The following TRAPPC10 variants were observed in gnomAD, a reference collection of about 807,000 sequenced individuals.
TRAPPC10 encodes trafficking protein particle complex subunit 10, also known as TRAPP 130 kDa subunit.
A neutral mutation model predicts 125.5 loss-of-function variants in TRAPPC10; 23 were observed. The observed-to-expected ratio is 0.18, with a 90% confidence interval of 0.13 to 0.26. The LOEUF (loss-of-function observed/expected upper bound fraction) is 0.26. Among genes scored for constraint, TRAPPC10 ranks in the 10% least tolerant of loss-of-function variants. The pLI, the probability that TRAPPC10 is intolerant of heterozygous loss-of-function variation, is 1.00. For missense variants in TRAPPC10, 1,123 were observed against 1,308.4 expected, an observed-to-expected ratio of 0.86 and a Z score of 2.19; for synonymous variants, 509 against 518.0, an observed-to-expected ratio of 0.98 and a Z score of 0.24.
intron 3 of TRAPPC10, among the ~76,000 whole-genome samples, chr21:44,048,797 G>GTTTTTTTTTTTTTTTT (rs34892092): frequency 9.5e-6 from 1 of 105,612 alleles, no homozygotes; most frequent in African/African-American, 3.6e-5. Context: ...CCCACCCTGT[G>GTTTTTTTTTTTTTTTT]TTTTTTTTTT....
chr21:44,045,296 C>T (rs896070153), intron 3 of TRAPPC10, among the ~76,000 whole-genome samples: 31 of 152,120 alleles, frequency 2.0e-4, no homozygotes, highest in African/African-American at 7.0e-4. Context: ...TCCTGCTGAC[C>T]GAAGGATTTC....
At chr21:44,049,904 G>A (rs1444477713) in intron 3 of TRAPPC10, among the ~76,000 whole-genome samples, 2 of 150,392 alleles carry the variant, frequency 1.3e-5, no homozygotes, top group African/African-American at 2.5e-5. Context: ...TTTTGAGATG[G>A]AGTCTCACTC....
chr21:44,066,525 C>T (rs1263921166), intron 7 of TRAPPC10, among the ~76,000 whole-genome samples: 1 of 151,754 alleles, frequency 6.6e-6, no homozygotes, highest in Admixed American at 6.6e-5. Flanking sequence ...CTTTTTTTTT[C>T]TGTAACAATT....
intron 6 of TRAPPC10, among the ~76,000 whole-genome samples, chr21:44,060,915 T>C (rs60911469): frequency 0.014 from 1,806 of 132,212 alleles, 49 homozygotes; most frequent in African/African-American, 0.049. Context: ...CATACATACA[T>C]ACACACACAC....
intron 7 of TRAPPC10, among the ~76,000 whole-genome samples, chr21:44,066,640 A>G (rs1188218473): frequency 6.6e-6 from 1 of 152,228 alleles, no homozygotes; most frequent in Non-Finnish European, 1.5e-5. Flanking sequence ...GCTAGCAGGA[A>G]GAGGTTCCCT....
chr21:44,088,801 G>A (rs9979882), intron 17 of TRAPPC10: 39,438 of 131,992 alleles, frequency 0.3, 7,686 homozygotes, highest in African/African-American at 0.62. Flanking sequence ...CTTCCCTGGC[G>A]CTGGCGGCAC....
At chr21:44,081,197 G>T (rs1192137469) in intron 13 of TRAPPC10, among the ~76,000 whole-genome samples, 2 of 151,104 alleles carry the variant, frequency 1.3e-5, no homozygotes, top group Non-Finnish European at 3.0e-5. Flanking sequence ...TTTCTTCTCT[G>T]TCTCCCAGGT....
chr21:44,012,681 G>T (rs1229650230), intron 1 of TRAPPC10, 121 bp downstream of exon 1: 1 of 862,346 alleles, frequency 1.2e-6, no homozygotes, highest in African/African-American at 1.8e-5. Context: ...CCGCTTCCTG[G>T]AGGTGTGACC....
chr21:44,019,293 G>A (rs550699689), intron 1 of TRAPPC10, among the ~76,000 whole-genome samples: 5 of 152,110 alleles, frequency 3.3e-5, no homozygotes, highest in Non-Finnish European at 5.9e-5. Context: ...CAAGCAATCC[G>A]CCCTCTTTGG....
chr21:44,057,922 A>G (rs2035732067), intron 5 of TRAPPC10, among the ~76,000 whole-genome samples: 1 of 152,216 alleles, frequency 6.6e-6, no homozygotes, highest in African/African-American at 2.4e-5. Flanking sequence ...GTGCGTGCAC[A>G]TCCTCCTGGT....
intron 1 of TRAPPC10, among the ~76,000 whole-genome samples, chr21:44,014,059 A>G (rs1413266907): frequency 6.6e-6 from 1 of 152,240 alleles, no homozygotes; most frequent in Non-Finnish European, 1.5e-5. Context: ...TGAATGCTGG[A>G]TACACATTCA....
chr21:44,062,425 G>T (rs988733307), intron 6 of TRAPPC10: 2 of 418,294 alleles, frequency 4.8e-6, no homozygotes, highest in Non-Finnish European at 6.4e-6. Flanking sequence ...TCAGGTGAGA[G>T]ATGGGGCAGT....
At chr21:44,056,700 C>T (rs977039149) in intron 5 of TRAPPC10, among the ~76,000 whole-genome samples, 1 of 152,180 alleles carries the variant, frequency 6.6e-6, no homozygotes, top group Non-Finnish European at 1.5e-5. Context: ...CAGTGAAAGA[C>T]AGACTGTGAA....
intron 9 of TRAPPC10, 37 bp from the exon 10 acceptor site, chr21:44,076,515 G>A (rs778440673): frequency 9.8e-6 from 15 of 1,524,784 alleles, no homozygotes; most frequent in Non-Finnish European, 1.4e-5. Context: ...TGGACATGAT[G>A]AAGATGAAGA....
chr21:44,061,735 C>T (rs1376255998), intron 6 of TRAPPC10, among the ~76,000 whole-genome samples: 1 of 152,136 alleles, frequency 6.6e-6, no homozygotes, highest in Admixed American at 6.5e-5. Flanking sequence ...ATGGAGAACT[C>T]CTTTGAAAGA....
At chr21:44,025,711 C>G (rs1332420510) in intron 1 of TRAPPC10, among the ~76,000 whole-genome samples, 1 of 152,046 alleles carries the variant, frequency 6.6e-6, no homozygotes, top group Non-Finnish European at 1.5e-5. Flanking sequence ...TGCAAATTTC[C>G]ACAGTAGGAA....
intron 4 of TRAPPC10, among the ~76,000 whole-genome samples, chr21:44,055,014 G>C (rs1296138539): frequency 6.6e-6 from 1 of 152,182 alleles, no homozygotes; most frequent in Non-Finnish European, 1.5e-5. Flanking sequence ...TTTGTGCTGT[G>C]CTGAGAAATC....
rs940526020 is a variant in TRAPPC10 at position 44,089,638 on chromosome 21, A to G, written c.2770-195A>G. The G allele has an allele frequency of 2.8e-5, 17 of 607,598 alleles. 1 individual carries two copies. Among genetic ancestry groups the G allele is most frequent in the Middle Eastern group, 5.1e-4 (2 of 3,940 alleles). The allele number at this position is 607,598 out of a possible 1,614,324, so 37.6% of individuals were successfully genotyped here. A position where few individuals can be genotyped will look rare whatever the true frequency, so the allele number is the denominator to read the frequency against. On this transcript the variant is annotated intron_variant, in intron 17 of 22. Transcript: ENST00000291574. ...TTCTGCGTTCGTTTCTCTTGTCTGT[A>G]TGCATAGCTTCCTGTTTCTCGTTGG...
In TRAPPC10 at chr21:44,084,176, G is replaced by A. The variant is rs374390530; in HGVS notation, c.2293G>A (p.Val765Met). ...LRQLCASVGS[V>M]WFVLPHIYPI... is the part of the protein sequence containing the mutation. ...GCAGCTGTGCGCCTCGGTGGGCTCC[G>A]TGTGGTTCGTCCTCCCTCACATCTA... is the stretch of plus-strand genomic sequence containing the variant. The change falls in exon 15 of 23, where the codon GTG (valine) becomes ATG (methionine). Residue 765 changes from valine to methionine, a missense_variant. Val to Met is a conservative substitution (Grantham distance 21). Transcript: ENST00000291574. 9.3e-6 allele frequency: 15 copies of A among 1,614,100 alleles called. No homozygotes were observed. Among genetic ancestry groups the A allele is most frequent in the Admixed American group, 3.3e-5 (2 of 60,004 alleles).
Sources: gnomAD v4.1 joint callset for allele counts (sites outside exome capture counted in the v4.1 genomes callset) on GRCh38, gnomAD v4.1.1 for gene constraint, MANE v1.5 for transcripts, NCBI Gene and HGNC (gene_info 2026-07-23, HGNC 2026-07-21) for gene names.